ZNF467: variants seen among roughly 807,000 people sequenced by gnomAD.
ZNF467 encodes zinc finger protein EZI.
ZNF467 carries 51 observed loss-of-function variants against 47.8 expected under a neutral mutation model. The ratio of observed to expected loss-of-function variants is 1.07; its 90% CI spans 0.85 to 1.35. The LOEUF is 1.35. ZNF467 is among the 40% of genes most tolerant of loss of function. The probability of loss-of-function intolerance (pLI) is 0.00; values close to 1 mark genes in which losing one functional copy is unlikely to be tolerated. For synonymous variants in ZNF467, 416 were observed against 372.9 expected (o/e 1.12, Z -1.33); for missense variants, 992 against 858.1 (o/e 1.16, Z -1.95).
In ZNF467 at chr7:149,765,323, G is replaced by T; in HGVS notation, c.1179C>A (p.Ala393=). The T allele has an allele frequency of 6.7e-7, 1 of 1,488,524 alleles. No homozygotes were observed. The highest frequency in any genetic ancestry group is 1.3e-5 in the South Asian group (1 of 74,422). The allele number at this position is 1,488,524 out of a possible 1,614,324, so 92.2% of individuals were successfully genotyped here. A position where few individuals can be genotyped will look rare whatever the true frequency, so the allele number is the denominator to read the frequency against. ...GCTTGGCGGCGGGGGCATCCACGGT[G>T]GCGCCCAGTGCGCACTCATCGCACC... The part of the protein sequence containing the change: ...PFGCDECALG[A]TVDAPAAKPL... The change falls in exon 5 of 5, where the codon GCC becomes GCA. Residue 393 remains alanine, a synonymous_variant. Transcript: ENST00000302017.
rs778576098 is a variant in ZNF467 at position 149,765,825 on chromosome 7, C to G, written c.677G>C (p.Ser226Thr). The change falls in exon 5 of 5, where the codon AGC becomes ACC. Residue 226 changes from serine to threonine, a missense_variant. Coordinates refer to ENST00000302017, the MANE Select transcript of ZNF467 (RefSeq NM_207336.3). The part of the protein sequence containing the change: ...FPCSECDKRF[S>T]KKAHLTRHLR... ...GTGGCGGGTCAGATGGGCCTTCTTG[C>G]TGAAGCGCTTGTCGCACTCGGAGCA... 2 of 1,610,032 alleles carry G rather than the reference C, an allele frequency of 1.2e-6. No individual in the cohort carries two copies. The highest frequency in any genetic ancestry group is 1.7e-4 in the Middle Eastern group (1 of 6,054).
At position 149,766,156 on chromosome 7, in the gene ZNF467, A is replaced by G. The variant is rs763564806; in HGVS notation, c.346T>C (p.Ser116Pro). Residue 116 changes from serine (S) to proline (P), a missense_variant, in exon 5 of 5, where the codon TCG becomes CCG. Transcript: ENST00000302017. ...GCGGGAAAGGGGCTGGGAAGTAACGATAGATGCTGGGGCCATTCGACCTCC... is the reference window on the plus strand; with the variant it reads ...GCGGGAAAGGGGCTGGGAAGTAACGGTAGATGCTGGGGCCATTCGACCTCC... ...EEEVEWPQHL[S>P]LLPSPFPAPD... 1.9e-6 allele frequency: 3 copies of G among 1,592,738 alleles called. No individual in the cohort carries two copies. Among genetic ancestry groups the G allele is most frequent in the Admixed American group, 1.7e-5 (1 of 57,430 alleles).
At position 149,765,201 on chromosome 7, in the gene ZNF467, G is replaced by C. The variant is rs1799137413; in HGVS notation, c.1301C>G (p.Pro434Arg). 1 of 1,506,916 alleles carries C rather than the reference G, an allele frequency of 6.6e-7. No homozygotes were observed. The allele number at this position is 1,506,916 out of a possible 1,614,324, so 93.3% of individuals were successfully genotyped here. A position where few individuals can be genotyped will look rare whatever the true frequency, so the allele number is the denominator to read the frequency against. ...APSGERSFFC[P>R]DCGRGFSHGQ... ...ATGGGAGAAGCCGCGCCCGCAGTCC[G>C]GGCAGAAGAAGGACCGCTCGCCCGA... The change falls in exon 5 of 5, where the codon CCG (proline) becomes CGG (arginine). Residue 434 changes from proline to arginine, a missense_variant. Coordinates refer to ENST00000302017, the MANE Select transcript of ZNF467 (RefSeq NM_207336.3).
chr7:149,776,276 G>A, upstream of ZNF467: 1 of 1,276,716 alleles, frequency 7.8e-7, no homozygotes, highest in Middle Eastern at 2.3e-4. Flanking sequence ...CCTGGGAGTG[G>A]TGTCATAGGA....
At chr7:149,766,600 G>C (rs1030026436) in intron 4 of ZNF467, among the ~76,000 whole-genome samples, 2 of 152,190 alleles carry the variant, frequency 1.3e-5, no homozygotes, top group African/African-American at 4.8e-5. Flanking sequence ...GTGCCTTTCT[G>C]GGACCTCAGT....
chr7:149,771,994 C>T (rs1799432492), intron 1 of ZNF467, among the ~76,000 whole-genome samples: 1 of 145,030 alleles, frequency 6.9e-6, no homozygotes, highest in Non-Finnish European at 1.5e-5. Flanking sequence ...CTCCAGGCTG[C>T]CTTTCCCTAC....
chr7:149,764,723 G>C lies in ZNF467; in HGVS notation c.1779C>G (p.Leu593=). ...SAPPEVAPPP[L]FF ...CTCGTGAGAACTAGGCTCAGAAGAA[G>C]AGCGGGGGCGGCGCCACCTCGGGGG... The change falls in exon 5 of 5, where the codon CTC becomes CTG. Residue 593 remains leucine (L), a synonymous_variant. Coordinates refer to ENST00000302017, the MANE Select transcript of ZNF467 (RefSeq NM_207336.3). 6.4e-7 allele frequency: 1 copy of C among 1,562,634 alleles called. No individual in the cohort carries two copies. Among genetic ancestry groups the C allele is most frequent in the Non-Finnish European group, 8.7e-7 (1 of 1,150,330 alleles).
chr7:149,766,972 C>T (rs188501403), intron 4 of ZNF467, among the ~76,000 whole-genome samples: 2 of 152,294 alleles, frequency 1.3e-5, no homozygotes, highest in East Asian at 1.9e-4. Flanking sequence ...TCTGGAGAAA[C>T]AGGGAAGGCC....
chr7:149,767,588 G>A (rs192886006), intron 4 of ZNF467, among the ~76,000 whole-genome samples: 1 of 152,272 alleles, frequency 6.6e-6, no homozygotes, highest in East Asian at 1.9e-4. Flanking sequence ...GTCTTGCTCT[G>A]TCTCCCAGGC....
chr7:149,764,822 C>T lies in ZNF467; in HGVS notation c.1680G>A (p.Arg560=), dbSNP rs1443479783. The change falls in exon 5 of 5, where the codon CGG becomes CGA. Residue 560 remains arginine, a synonymous_variant. Coordinates refer to ENST00000302017, the MANE Select transcript of ZNF467 (RefSeq NM_207336.3). The part of the protein sequence containing the change: ...KSFSRKTHLV[R]HQLIHGEAAH... ...CGGCTTCGCCGTGAATGAGCTGGTGCCGCACCAGGTGGGTCTTGCGGCTGA... is the reference window on the plus strand; with the variant it reads ...CGGCTTCGCCGTGAATGAGCTGGTGTCGCACCAGGTGGGTCTTGCGGCTGA... 1 of 1,539,356 alleles carries T rather than the reference C, an allele frequency of 6.5e-7. No individual in the cohort carries two copies.
intron 3 of ZNF467, among the ~76,000 whole-genome samples, chr7:149,770,078 G>A (rs902766027): frequency 3.1e-5 from 4 of 127,718 alleles, no homozygotes; most frequent in African/African-American, 1.2e-4. Context: ...ACCCCCACCT[G>A]CAGCTGTCTC....
At chr7:149,774,961 G>A (rs749454873), upstream of ZNF467, among the ~76,000 whole-genome samples, 2 of 152,120 alleles carry the variant, frequency 1.3e-5, no homozygotes, top group Non-Finnish European at 2.9e-5. This position sits in a 1 kb window ranked among gnomAD's most constrained non-coding sequence, Gnocchi z 5.7. Flanking sequence ...TTAGGAGACC[G>A]AGGGGTGTGG....
At chr7:149,775,301 G>A (rs1299589030), upstream of ZNF467, among the ~76,000 whole-genome samples, 1 of 152,112 alleles carries the variant, frequency 6.6e-6, no homozygotes, top group Admixed American at 6.5e-5. Context: ...GGAGAAAAGG[G>A]TACATGTTGC....
intron 4 of ZNF467, among the ~76,000 whole-genome samples, chr7:149,768,794 A>G (rs939368127): frequency 3.9e-5 from 6 of 152,184 alleles, no homozygotes; most frequent in Admixed American, 1.3e-4. Flanking sequence ...TTAGACTTAG[A>G]CTGGGAGAAA....
chr7:149,773,000 G>T (rs1041470696), intron 1 of ZNF467, 108 bp downstream of exon 1: 1 of 143,004 alleles, frequency 7.0e-6, no homozygotes, highest in Non-Finnish European at 1.5e-5. Flanking sequence ...CGCCGTCCGC[G>T]CCCCTACCCC....
chr7:149,769,047 T>G lies in ZNF467; in HGVS notation c.262+43A>C. ...CCGGAGCTTGCTGGGCCCCGTTCCCTTGGCCTGAGCCCGTGGTGGGATGAA... is the reference window on the plus strand; with the variant it reads ...CCGGAGCTTGCTGGGCCCCGTTCCCGTGGCCTGAGCCCGTGGTGGGATGAA... On this transcript the variant is annotated intron_variant, in intron 4 of 4. Coordinates refer to ENST00000302017, the MANE Select transcript of ZNF467 (RefSeq NM_207336.3). The surrounding 1 kb of genome is among the most constrained non-coding windows in gnomAD (Gnocchi z 5.3). The G allele has an allele frequency of 2.7e-6, 4 of 1,496,328 alleles. No individual in the cohort carries two copies. The East Asian group carries it at 9.9e-5, about 37-fold the overall frequency. The allele number at this position is 1,496,328 out of a possible 1,614,324, so 92.7% of individuals were successfully genotyped here. A position where few individuals can be genotyped will look rare whatever the true frequency, so the allele number is the denominator to read the frequency against.
chr7:149,772,431 A>G (rs1412108528), intron 1 of ZNF467, among the ~76,000 whole-genome samples: 1 of 87,932 alleles, frequency 1.1e-5, no homozygotes, highest in African/African-American at 5.0e-5. Flanking sequence ...CCGGCCCCCA[A>G]GCCTGGGGGT....
At chr7:149,768,296 A>G (rs1326172710) in intron 4 of ZNF467, among the ~76,000 whole-genome samples, 1 of 152,144 alleles carries the variant, frequency 6.6e-6, no homozygotes, top group Non-Finnish European at 1.5e-5. Flanking sequence ...AGGTGTCTTT[A>G]TGTGTCTGAT....
chr7:149,765,752 G>T lies in ZNF467; in HGVS notation c.750C>A (p.Gly250=). The T allele has an allele frequency of 6.2e-7, 1 of 1,612,600 alleles. No homozygotes were observed. Among genetic ancestry groups the T allele is most frequent in the South Asian group, 1.1e-5 (1 of 90,906 alleles). ...GGTGGATCTTCTGGCTGAAGCGCTT[G>T]CCGCACTCCGCGCACGGGTAGGGCC... The part of the protein sequence containing the change: ...GERPYPCAEC[G]KRFSQKIHLG... Residue 250 remains glycine (G), a synonymous_variant, in exon 5 of 5, where the codon GGC becomes GGA. Coordinates refer to ENST00000302017, the MANE Select transcript of ZNF467 (RefSeq NM_207336.3).
Sources: gnomAD v4.1 joint callset for allele counts (sites outside exome capture counted in the v4.1 genomes callset) on GRCh38, gnomAD v4.1.1 for gene constraint, Gnocchi (gnomAD v3.1) non-coding constraint, MANE v1.5 for transcripts, NCBI Gene and HGNC (gene_info 2026-07-23, HGNC 2026-07-21) for gene names.